Variants in DCX observed in about 807,000 individuals in gnomAD.
The protein encoded by DCX is neuronal migration protein doublecortin.
DCX carries 4 observed loss-of-function variants against 20.9 expected under a neutral mutation model. That is an observed-to-expected ratio of 0.19 (90% CI 0.09 to 0.44). DCX has a LOEUF of 0.44. Ranked by LOEUF, DCX falls within the 20% of genes least tolerant of loss-of-function variation. The probability of loss-of-function intolerance (pLI) is 0.99; values close to 1 mark genes in which losing one functional copy is unlikely to be tolerated. For missense variants in DCX, 133 were observed against 296.9 expected (o/e 0.45, Z 4.06); for synonymous variants, 103 against 111.4 (o/e 0.92, Z 0.47).
chrX:111,369,406 A>G (rs1163249518), intron 3 of DCX, among the ~76,000 whole-genome samples: 2 of 111,966 alleles, frequency 1.8e-5, no homozygotes, highest in East Asian at 2.8e-4. Flanking sequence ...TGCCTCCACA[A>G]TCAATTTTAG....
chrX:111,321,250 A>T (rs146155437), intron 5 of DCX, among the ~76,000 whole-genome samples: 176 of 111,785 alleles, frequency 1.6e-3, no homozygotes, highest in African/African-American at 5.4e-3. Context: ...ACATGTAACT[A>T]CCCTCATGTT....
At chrX:111,408,573 C>T (rs1928390967) in intron 2 of DCX, among the ~76,000 whole-genome samples, 3 of 105,284 alleles carry the variant, frequency 2.8e-5, no homozygotes, top group African/African-American at 1.0e-4. Flanking sequence ...TGCACTCCAG[C>T]CTGGGCAACA....
At chrX:111,397,625 G>A (rs1427266471) in intron 3 of DCX, among the ~76,000 whole-genome samples, 2 of 111,571 alleles carry the variant, frequency 1.8e-5, no homozygotes, top group Admixed American at 9.6e-5. Flanking sequence ...TTTATTTAAT[G>A]TCTTTGCTGT....
intron 3 of DCX, among the ~76,000 whole-genome samples, chrX:111,341,210 G>A (rs750236450): frequency 2.2e-4 from 24 of 109,472 alleles, no homozygotes; most frequent in Middle Eastern, 4.7e-3. Context: ...AACACAGCAC[G>A]AGAACTTCAT....
In DCX at chrX:111,361,252, G is replaced by A. The variant is rs764249280; in HGVS notation, c.706-28099C>T. Among the ~76,000 whole-genome samples, 7 of 111,708 alleles carry A rather than the reference G, an allele frequency of 6.3e-5. No individual in the cohort carries two copies. In the South Asian group the frequency reaches 2.7e-3, roughly 42 times the overall value. On this transcript the variant is annotated intron_variant, in intron 3 of 6. Transcript: ENST00000636035. ...TTTTACATATTCTCTACATACTTTTGGATTGCTTTAATTACCTAAAAGTGA... is the reference window on the plus strand; with the variant it reads ...TTTTACATATTCTCTACATACTTTTAGATTGCTTTAATTACCTAAAAGTGA...
chrX:111,308,788 A>C (rs1470998943), intron 6 of DCX, among the ~76,000 whole-genome samples: 2 of 112,056 alleles, frequency 1.8e-5, no homozygotes, highest in African/African-American at 6.5e-5. Context: ...ATGCCTCTAA[A>C]TTTCAAGCCA....
intron 3 of DCX, among the ~76,000 whole-genome samples, chrX:111,381,145 G>A (rs1603421215): frequency 9.1e-6 from 1 of 109,989 alleles, no homozygotes; most frequent in African/African-American, 3.3e-5. Context: ...TTTCTGCTTG[G>A]AATATAATTT....
chrX:111,342,022 T>C (rs1037918541), intron 3 of DCX, among the ~76,000 whole-genome samples: 1 of 108,254 alleles, frequency 9.2e-6, no homozygotes, highest in African/African-American at 3.4e-5. Flanking sequence ...TTAACAGATA[T>C]CAATACTAAC....
chrX:111,367,931 G>A (rs1282833196), intron 3 of DCX, among the ~76,000 whole-genome samples: 3 of 111,396 alleles, frequency 2.7e-5, no homozygotes, highest in Non-Finnish European at 3.8e-5. Context: ...CCACTCCTTA[G>A]AGTCTTAATT....
At chrX:111,383,531 T>G (rs1307693080) in intron 3 of DCX, among the ~76,000 whole-genome samples, 2 of 111,677 alleles carry the variant, frequency 1.8e-5, no homozygotes, top group Non-Finnish European at 3.8e-5. Context: ...ATTGGCATGA[T>G]CATCCCTTAC....
At chrX:111,329,797 T>A (rs1317271329) in intron 5 of DCX, among the ~76,000 whole-genome samples, 1 of 112,095 alleles carries the variant, frequency 8.9e-6, no homozygotes, top group Non-Finnish European at 1.9e-5. Flanking sequence ...AGGCTATTCA[T>A]CTTGGCACCA....
chrX:111,384,699 G>A (rs1349175253), intron 3 of DCX, among the ~76,000 whole-genome samples: 1 of 111,918 alleles, frequency 8.9e-6, no homozygotes, highest in Non-Finnish European at 1.9e-5. Context: ...TGGGCATTTT[G>A]TTTATTCTTT....
chrX:111,402,013 A>C (rs1272051795), intron 2 of DCX, among the ~76,000 whole-genome samples: 1 of 112,075 alleles, frequency 8.9e-6, no homozygotes, highest in Non-Finnish European at 1.9e-5. Context: ...AAACTGTCTA[A>C]ATAACAACCA....
intron 3 of DCX, among the ~76,000 whole-genome samples, chrX:111,379,149 C>T (rs570182846): frequency 1.8e-5 from 2 of 112,348 alleles, no homozygotes; most frequent in African/African-American, 6.4e-5. Flanking sequence ...CTATAATTCA[C>T]GCATAAACTA....
At chrX:111,372,822 G>A (rs992955607) in intron 3 of DCX, among the ~76,000 whole-genome samples, 12 of 111,843 alleles carry the variant, frequency 1.1e-4, no homozygotes, top group Admixed American at 2.9e-4. Flanking sequence ...CAATTTAGCC[G>A]GCAGGCAGCA....
At chrX:111,309,243 C>T (rs1456094796) in intron 6 of DCX, among the ~76,000 whole-genome samples, 1 of 112,428 alleles carries the variant, frequency 8.9e-6, no homozygotes, top group Non-Finnish European at 1.9e-5. Context: ...TAGGGCCCCA[C>T]CACAGCCATC....
intron 5 of DCX, among the ~76,000 whole-genome samples, chrX:111,320,177 A>G (rs2095083155): frequency 8.9e-6 from 1 of 112,342 alleles, no homozygotes; most frequent in South Asian, 3.7e-4. Context: ...AGACTTGCAC[A>G]GTTAAATGTA....
Position 111,354,101 on chromosome X carries a change from G to A in DCX, c.706-20948C>T, listed in dbSNP as rs193013157. Among the ~76,000 whole-genome samples, 404 of 111,597 alleles carry A rather than the reference G, an allele frequency of 3.6e-3. 3 individuals are homozygous for A. Among genetic ancestry groups the A allele is most frequent in the African/African-American group, 0.012 (382 of 30,685 alleles). Reference sequence around the variant, plus strand: ...GTTACTGGGAAAGGATGAGTCAACTGCAAATTTTTGATGAGCTAATTCATG... The same window carrying A: ...GTTACTGGGAAAGGATGAGTCAACTACAAATTTTTGATGAGCTAATTCATG... On this transcript the variant is annotated intron_variant, in intron 3 of 6. Coordinates refer to ENST00000636035, the MANE Select transcript of DCX (RefSeq NM_001195553.2).
At chrX:111,316,271 C>T (rs5985597) in intron 5 of DCX, among the ~76,000 whole-genome samples, 1,564 of 110,157 alleles carry the variant, frequency 0.014, 29 homozygotes, top group African/African-American at 0.049. Context: ...CTTGCTCTGC[C>T]ACCAGGCTGG....
Sources: gnomAD v4.1 joint callset for allele counts (sites outside exome capture counted in the v4.1 genomes callset) on GRCh38, gnomAD v4.1.1 for gene constraint, MANE v1.5 for transcripts, NCBI Gene and HGNC (gene_info 2026-07-23, HGNC 2026-07-21) for gene names.